PKP4: variants seen among roughly 807,000 people sequenced by gnomAD.
The protein encoded by PKP4 is plakophilin 4.
PKP4 carries 90 observed loss-of-function variants against 145.1 expected under a neutral mutation model. The ratio of observed to expected loss-of-function variants is 0.62; its 90% confidence interval spans 0.52 to 0.74. PKP4 has a LOEUF of 0.74. PKP4 is among the 30% of genes least tolerant of loss of function. The pLI, the probability that PKP4 is intolerant of heterozygous loss-of-function variation, is 0.00. For synonymous variants in PKP4, 563 were observed against 577.2 expected (o/e 0.98, Z 0.35); for missense variants, 1,340 against 1,482.7 (o/e 0.90, Z 1.58).
intron 3 of PKP4, among the ~76,000 whole-genome samples, chr2:158,592,775 T>A (rs554563848): frequency 2.0e-5 from 3 of 152,278 alleles, no homozygotes; most frequent in Non-Finnish European, 4.4e-5. Context: ...AAAATTCCTT[T>A]TAAGTAAATT....
At chr2:158,553,903 G>A (rs1195552265) in intron 2 of PKP4, among the ~76,000 whole-genome samples, 2 of 152,188 alleles carry the variant, frequency 1.3e-5, no homozygotes. Context: ...GGATTTTTGA[G>A]TGATGAAATT....
chr2:158,678,580 G>A lies in PKP4; in HGVS notation c.3257-1G>A, dbSNP rs1269343829. On this transcript the variant is annotated splice_acceptor_variant, in intron 20 of 21. Transcript: ENST00000389759. LOFTEE classifies it high-confidence loss of function. The stretch of plus-strand genomic sequence containing the variant: ...TAATTTCATAAAATATTTTCTTACA[G>A]GCTCCAGCAAACCTTCACCAATTTA... The A allele has an allele frequency of 1.2e-6, 2 of 1,605,682 alleles. No individual in the cohort carries two copies. The highest frequency in any genetic ancestry group is 1.3e-5 in the African/African-American group (1 of 74,756).
chr2:158,467,628 T>C (rs1250546058), intron 1 of PKP4, among the ~76,000 whole-genome samples: 1 of 151,596 alleles, frequency 6.6e-6, no homozygotes, highest in African/African-American at 2.4e-5. Flanking sequence ...TGAAGATTAC[T>C]TGAGGCCAAG....
rs1252684608 is a variant in PKP4, at chr2:158,677,601, AAAAT to A, written c.3256+742_3256+745del. Among the ~76,000 whole-genome samples the A allele has an allele frequency of 6.6e-5, 10 of 152,356 alleles. No individual in the cohort carries two copies. In the South Asian group the frequency reaches 2.1e-3, roughly 32 times the overall value. On this transcript the variant is annotated intron_variant, in intron 20 of 21. Transcript: ENST00000389759. ...ACTCTTTTCTCAAACCTGTCTATTAAAAATAAATAAAAGCTGGTGGCAGCTTTAC... is the reference window on the plus strand; with the variant it reads ...ACTCTTTTCTCAAACCTGTCTATTAAAAATAAAAGCTGGTGGCAGCTTTAC...
chr2:158,656,330 C>A (rs1459489855), intron 11 of PKP4, among the ~76,000 whole-genome samples: 1 of 149,434 alleles, frequency 6.7e-6, no homozygotes, highest in East Asian at 2.0e-4. Context: ...AATTTAAGTT[C>A]TTTTCATAAG....
At chr2:158,655,467 C>G (rs559746460) in intron 11 of PKP4, among the ~76,000 whole-genome samples, 1 of 152,156 alleles carries the variant, frequency 6.6e-6, no homozygotes, top group Admixed American at 6.5e-5. Context: ...ACTCCAGGAT[C>G]CAATATGCTG....
At chr2:158,527,224 G>GATGCCTAT (rs2043038145) in intron 1 of PKP4, among the ~76,000 whole-genome samples, 1 of 137,988 alleles carries the variant, frequency 7.2e-6, no homozygotes, top group Non-Finnish European at 1.6e-5. Context: ...CACACTACCT[G>GATGCCTAT]ACTTCAAACT....
At chr2:158,669,476 C>T in intron 16 of PKP4, 1 of 334,902 alleles carries the variant, frequency 3.0e-6, no homozygotes, top group Non-Finnish European at 5.4e-6. Context: ...CATTTGCTTT[C>T]AGCAATTGAC....
intron 1 of PKP4, among the ~76,000 whole-genome samples, chr2:158,474,234 C>T (rs1046268926): frequency 1.3e-5 from 2 of 152,250 alleles, no homozygotes; most frequent in African/African-American, 2.4e-5. Flanking sequence ...AAGTACAAGA[C>T]TCTGGCTGAC....
intron 3 of PKP4, among the ~76,000 whole-genome samples, chr2:158,589,739 A>C (rs2049096915): frequency 6.6e-6 from 1 of 152,140 alleles, no homozygotes; most frequent in Non-Finnish European, 1.5e-5. Context: ...TGATGAAATA[A>C]AGGAAGGTTG....
intron 2 of PKP4, among the ~76,000 whole-genome samples, chr2:158,561,269 G>A (rs2046490190): frequency 6.6e-6 from 1 of 152,170 alleles, no homozygotes; most frequent in Non-Finnish European, 1.5e-5. Context: ...AATATTTACT[G>A]TGTATCTGGC....
intron 2 of PKP4, among the ~76,000 whole-genome samples, chr2:158,563,826 G>C (rs997777935): frequency 6.6e-6 from 1 of 151,870 alleles, no homozygotes; most frequent in Non-Finnish European, 1.5e-5. Flanking sequence ...AATCTGATGT[G>C]TTGTTTCCAA....
chr2:158,467,937 T>C (rs769763799), intron 1 of PKP4, among the ~76,000 whole-genome samples: 5 of 152,358 alleles, frequency 3.3e-5, no homozygotes, highest in Non-Finnish European at 7.3e-5. Flanking sequence ...CATAATTCTT[T>C]GGAGATTATT....
At chr2:158,546,856 A>G (rs1198642570) in intron 2 of PKP4, among the ~76,000 whole-genome samples, 1 of 152,170 alleles carries the variant, frequency 6.6e-6, no homozygotes, top group Non-Finnish European at 1.5e-5. Context: ...CAGTAAGTAA[A>G]AAGGCCTCTT....
At chr2:158,543,461 C>G (rs2044698364) in intron 2 of PKP4, among the ~76,000 whole-genome samples, 1 of 152,108 alleles carries the variant, frequency 6.6e-6, no homozygotes, top group Non-Finnish European at 1.5e-5. Flanking sequence ...GGGGAAGAGA[C>G]AGAACAACTG....
chr2:158,622,927 TA>T (rs1267404361), intron 6 of PKP4, among the ~76,000 whole-genome samples: 1 of 152,236 alleles, frequency 6.6e-6, no homozygotes, highest in Non-Finnish European at 1.5e-5. Context: ...TATATCTATA[TA>T]AATTTTATTG....
intron 1 of PKP4, among the ~76,000 whole-genome samples, chr2:158,528,875 G>T (rs1378557188): frequency 6.6e-6 from 1 of 152,152 alleles, no homozygotes; most frequent in African/African-American, 2.4e-5. Flanking sequence ...CCCAGGTCCT[G>T]GCTTTCAGGT....
chr2:158,633,899 A>T (rs111855571), intron 8 of PKP4, among the ~76,000 whole-genome samples, 171 bp from the exon 9 acceptor site: 100 of 152,364 alleles, frequency 6.6e-4, no homozygotes, highest in African/African-American at 2.3e-3. Flanking sequence ...GTACATTAAA[A>T]ACTTAAGTAC....
At chr2:158,674,119 G>A in intron 19 of PKP4, 119 bp downstream of exon 19, 1 of 751,640 alleles carries the variant, frequency 1.3e-6, no homozygotes, top group Non-Finnish European at 2.5e-6. Context: ...TACCCATGCA[G>A]CAGAGAACCT....
Sources: allele counts gnomAD v4.1 joint callset (sites outside exome capture counted in the v4.1 genomes callset), GRCh38; gene constraint gnomAD v4.1.1; transcripts MANE v1.5; gene names NCBI Gene and HGNC (gene_info 2026-07-23, HGNC 2026-07-21).